APBA2: variants seen among roughly 807,000 people sequenced by gnomAD.
APBA2 encodes the protein amyloid beta precursor protein binding family A member 2, also known as amyloid-beta A4 precursor protein-binding family A member 2.
Under a neutral mutation model 75.0 loss-of-function variants are expected in APBA2, and 30 were observed. The ratio of observed to expected loss-of-function variants is 0.40; its 90% CI spans 0.30 to 0.54. The LOEUF (loss-of-function observed/expected upper bound fraction) is 0.54. APBA2 is among the 20% of genes least tolerant of loss of function. APBA2 has a pLI of 0.49. For missense variants in APBA2, 801 were observed against 1,016.1 expected (o/e 0.79, Z 2.88); for synonymous variants, 444 against 409.6 (o/e 1.08, Z -1.01).
intron 3 of APBA2, among the ~76,000 whole-genome samples, chr15:29,020,527 C>T (rs773229931): frequency 6.6e-6 from 1 of 151,890 alleles, no homozygotes; most frequent in Non-Finnish European, 1.5e-5. Context: ...CAAAACCGGC[C>T]GGGTGCTGTG....
chr15:29,112,264 T>G (rs1199925552), intron 13 of APBA2, among the ~76,000 whole-genome samples: 2 of 152,234 alleles, frequency 1.3e-5, no homozygotes, highest in Non-Finnish European at 1.5e-5. Context: ...GATGCCTGGC[T>G]AGGAGTCTAT....
intron 1 of APBA2, among the ~76,000 whole-genome samples, chr15:28,895,003 T>C (rs2032381737): frequency 1.3e-5 from 2 of 152,182 alleles, no homozygotes; most frequent in South Asian, 2.1e-4. Flanking sequence ...CGGCTGCTGC[T>C]GCCAAGTCCC....
intron 1 of APBA2, among the ~76,000 whole-genome samples, chr15:28,902,406 T>G: frequency 6.6e-6 from 1 of 152,052 alleles, no homozygotes; most frequent in East Asian, 1.9e-4. Flanking sequence ...CCATCAAAAC[T>G]AAGGACACTC....
In APBA2 at chr15:29,005,813, G is replaced by A. The variant is rs186056990; in HGVS notation, c.-41+10007G>A. Among the ~76,000 whole-genome samples, 472 of 152,248 alleles carry A rather than the reference G, an allele frequency of 3.1e-3. 5 individuals carry two copies. In the South Asian group the frequency reaches 0.036, roughly 12 times the overall value. ...CAGGAGGCAGAGGTTGCAGTGAGCC[G>A]AGATCATGCCACTGCACTCCAACCT... is the stretch of plus-strand genomic sequence containing the variant. On this transcript the variant is annotated intron_variant, in intron 3 of 14. Transcript: ENST00000683413.
chr15:28,920,169 G>C (rs1186874598), intron 1 of APBA2, among the ~76,000 whole-genome samples: 1 of 152,228 alleles, frequency 6.6e-6, no homozygotes, highest in Non-Finnish European at 1.5e-5. Context: ...AAAGAAGACA[G>C]GGCTGAGAAG....
intron 4 of APBA2, 94 bp from the exon 5 acceptor site, chr15:29,074,827 A>C: frequency 8.9e-7 from 1 of 1,128,194 alleles, no homozygotes; most frequent in Non-Finnish European, 1.3e-6. Context: ...ATACACATGC[A>C]TTTTACAAAA....
In APBA2 at chr15:29,098,482, C is replaced by G; in HGVS notation, c.1252-8C>G. The G allele has an allele frequency of 6.2e-7, 1 of 1,611,148 alleles. No individual in the cohort carries two copies. Among genetic ancestry groups the G allele is most frequent in the Non-Finnish European group, 8.5e-7 (1 of 1,177,282 alleles). ...TTGGACTTTAACAATATCCACTGTC[C>G]TTCTTAGAATTCTGAGGGGGATGCC... On this transcript the variant is annotated splice_region_variant and splice_polypyrimidine_tract_variant and intron_variant, in intron 8 of 14. Coordinates refer to ENST00000683413, the MANE Select transcript of APBA2 (RefSeq NM_001353788.2).
At chr15:28,948,865 C>T (rs2035693030) in intron 2 of APBA2, among the ~76,000 whole-genome samples, 1 of 146,208 alleles carries the variant, frequency 6.8e-6, no homozygotes, top group South Asian at 2.1e-4. Context: ...AGCAGCTGCT[C>T]AGTAAATGTT....
intron 2 of APBA2, among the ~76,000 whole-genome samples, chr15:28,940,238 C>T (rs1006519084): frequency 7.3e-5 from 11 of 151,614 alleles, no homozygotes; most frequent in South Asian, 4.2e-4. Flanking sequence ...GGAGGCTGGG[C>T]GTGGTGGCTC....
intron 2 of APBA2, among the ~76,000 whole-genome samples, chr15:28,994,695 G>A (rs4995092): frequency 0.079 from 11,991 of 152,194 alleles, 646 homozygotes; most frequent in East Asian, 0.27. Context: ...GTCTACCTAG[G>A]AAGTGAGAGC....
intron 2 of APBA2, among the ~76,000 whole-genome samples, chr15:28,980,642 T>C (rs1172796329): frequency 3.3e-5 from 5 of 152,160 alleles, no homozygotes; most frequent in Non-Finnish European, 5.9e-5. Flanking sequence ...GATTCAGTGC[T>C]CTTCCTATCA....
At chr15:28,984,894 T>C (rs1477938690) in intron 2 of APBA2, among the ~76,000 whole-genome samples, 1 of 148,042 alleles carries the variant, frequency 6.8e-6, no homozygotes, top group Non-Finnish European at 1.5e-5. Flanking sequence ...CTGCCATCTC[T>C]GGGGGTTGGG....
intron 4 of APBA2, among the ~76,000 whole-genome samples, chr15:29,062,897 G>A (rs555424283): frequency 3.3e-5 from 5 of 152,102 alleles, no homozygotes; most frequent in Admixed American, 6.5e-5. Context: ...ATCTCGTGGG[G>A]CTGTGGGGAG....
chr15:28,889,432 G>C (rs2031982918), intron 1 of APBA2, among the ~76,000 whole-genome samples: 1 of 152,230 alleles, frequency 6.6e-6, no homozygotes, highest in Non-Finnish European at 1.5e-5. Context: ...CCCAGGCCAG[G>C]TGTGTCACCA....
intron 2 of APBA2, among the ~76,000 whole-genome samples, chr15:28,929,890 A>G (rs2034472036): frequency 6.6e-6 from 1 of 152,170 alleles, no homozygotes; most frequent in Non-Finnish European, 1.5e-5. Flanking sequence ...GGGGAGGGAG[A>G]ATATGTATTC....
At chr15:29,112,004 C>T (rs2044759576) in intron 13 of APBA2, among the ~76,000 whole-genome samples, 1 of 152,200 alleles carries the variant, frequency 6.6e-6, no homozygotes, top group South Asian at 2.1e-4. Context: ...CTCCTGCTGT[C>T]CCCGGCCCTG....
intron 2 of APBA2, among the ~76,000 whole-genome samples, chr15:28,987,421 C>T (rs914416202): frequency 2.6e-5 from 4 of 151,980 alleles, no homozygotes; most frequent in Non-Finnish European, 2.9e-5. Flanking sequence ...CGTCCAAGAT[C>T]GACTTCACCT....
intron 2 of APBA2, chr15:28,961,537 T>G (rs957690668): frequency 6.6e-5 from 10 of 152,240 alleles, no homozygotes; most frequent in Admixed American, 4.6e-4. Flanking sequence ...GGGAGTCTTC[T>G]TGGAGGAAGT....
rs372026493 is a variant in APBA2 at position 29,009,626 on chromosome 15, A to G, written c.-41+13820A>G. ...AAGGTAATCAGAATCCTAGCACCAA[A>G]TGTTATTTTTGCAAATGTTTGAATT... On this transcript the variant is annotated intron_variant, in intron 3 of 14. Coordinates refer to ENST00000683413, the MANE Select transcript of APBA2 (RefSeq NM_001353788.2). Among the ~76,000 whole-genome samples, 5 of 150,672 alleles carry G rather than the reference A, an allele frequency of 3.3e-5. No individual in the cohort carries two copies. The East Asian group carries it at 5.8e-4, about 18-fold the overall frequency.
Sources: gnomAD v4.1 joint callset for allele counts (sites outside exome capture counted in the v4.1 genomes callset) on GRCh38, gnomAD v4.1.1 for gene constraint, MANE v1.5 for transcripts, NCBI Gene and HGNC (gene_info 2026-07-23, HGNC 2026-07-21) for gene names.